The following SEMA3E variants were observed in gnomAD, a reference collection of about 807,000 sequenced individuals.
The protein encoded by SEMA3E is semaphorin 3E, also known as semaphorin-3E.
Under a neutral mutation model 93.6 loss-of-function variants are expected in SEMA3E, and 49 were observed. That is an observed-to-expected ratio of 0.52 (90% confidence interval 0.42 to 0.66). The LOEUF (loss-of-function observed/expected upper bound fraction) is 0.66. Among genes scored for constraint, SEMA3E ranks in the 30% least tolerant of loss-of-function variants. The pLI, the probability that SEMA3E is intolerant of heterozygous loss-of-function variation, is 0.00. For synonymous variants in SEMA3E, 363 were observed against 330.7 expected, an observed-to-expected ratio of 1.10 and a Z score of -1.06; for missense variants, 906 against 964.8, an observed-to-expected ratio of 0.94 and a Z score of 0.81.
chr7:83,597,823 CT>C (rs1454680428), intron 1 of SEMA3E, among the ~76,000 whole-genome samples: 2 of 152,114 alleles, frequency 1.3e-5, no homozygotes, highest in Non-Finnish European at 2.9e-5. Context: ...AGTACTACCC[CT>C]GATGTTCCTA....
chr7:83,526,683 G>A (rs1197076968), intron 1 of SEMA3E, among the ~76,000 whole-genome samples: 1 of 152,176 alleles, frequency 6.6e-6, no homozygotes, highest in African/African-American at 2.4e-5. Context: ...CACTTGCCAA[G>A]ATTAAGTTGC....
intron 4 of SEMA3E, among the ~76,000 whole-genome samples, chr7:83,458,109 A>G (rs1364582319): frequency 6.6e-6 from 1 of 151,500 alleles, no homozygotes; most frequent in Non-Finnish European, 1.5e-5. Context: ...TATTATTTCA[A>G]TCATATAAAC....
rs555553123 is a variant in SEMA3E, at chr7:83,575,530, T to C, written c.115+72898A>G. On this transcript the variant is annotated intron_variant, in intron 1 of 16. Coordinates refer to ENST00000643230, the MANE Select transcript of SEMA3E (RefSeq NM_012431.3). ...ATGTGCTTGACATTTTACTAACATTTACGTTTTCTACCCATTTTGAGTTTT... is the reference window on the plus strand; with the variant it reads ...ATGTGCTTGACATTTTACTAACATTCACGTTTTCTACCCATTTTGAGTTTT... Among the ~76,000 whole-genome samples the C allele has an allele frequency of 4.7e-4, 72 of 152,262 alleles. No homozygotes were observed. In the South Asian group the frequency reaches 0.015, roughly 31 times the overall value.
At chr7:83,388,048 C>T (rs2116920665) in intron 14 of SEMA3E, among the ~76,000 whole-genome samples, 1 of 148,018 alleles carries the variant, frequency 6.8e-6, no homozygotes, top group African/African-American at 2.5e-5. Context: ...TGGTGGCTCA[C>T]GCCTGTAATC....
intron 1 of SEMA3E, among the ~76,000 whole-genome samples, chr7:83,549,167 G>T (rs1753842526): frequency 6.6e-6 from 1 of 152,056 alleles, no homozygotes; most frequent in Non-Finnish European, 1.5e-5. Flanking sequence ...GAGTTATATG[G>T]AAACATTCAT....
intron 1 of SEMA3E, among the ~76,000 whole-genome samples, chr7:83,524,729 A>C (rs1161395272): frequency 6.6e-6 from 1 of 152,062 alleles, no homozygotes; most frequent in African/African-American, 2.4e-5. Context: ...AAATCTGCTT[A>C]GTTTTCTAAG....
chr7:83,589,430 C>T (rs1233322439), intron 1 of SEMA3E, among the ~76,000 whole-genome samples: 1 of 152,084 alleles, frequency 6.6e-6, no homozygotes, highest in Non-Finnish European at 1.5e-5. Flanking sequence ...TCAAACCAAG[C>T]ACATCCAGTC....
intron 1 of SEMA3E, among the ~76,000 whole-genome samples, chr7:83,626,472 A>G (rs1023549726): frequency 6.6e-6 from 1 of 152,026 alleles, no homozygotes; most frequent in African/African-American, 2.4e-5. Flanking sequence ...ATTTTTTTCT[A>G]GATTTTCTGG....
chr7:83,528,305 T>C (rs1162500558), intron 1 of SEMA3E, among the ~76,000 whole-genome samples: 1 of 152,074 alleles, frequency 6.6e-6, no homozygotes, highest in Non-Finnish European at 1.5e-5. Flanking sequence ...AAATCACAAG[T>C]GTAGCAACCG....
chr7:83,565,160 TAAAG>T (rs1308492439), intron 1 of SEMA3E, among the ~76,000 whole-genome samples: 1 of 151,558 alleles, frequency 6.6e-6, no homozygotes, highest in Non-Finnish European at 1.5e-5. Context: ...AAGTTGAAGA[TAAAG>T]AAAGATAAAG....
chr7:83,620,438 T>C (rs924782844), intron 1 of SEMA3E, among the ~76,000 whole-genome samples: 1 of 152,130 alleles, frequency 6.6e-6, no homozygotes, highest in African/African-American at 2.4e-5. Context: ...GCTGGTACCA[T>C]TTCTCCTGAA....
intron 1 of SEMA3E, among the ~76,000 whole-genome samples, chr7:83,545,867 CATTATAT>C (rs972274658): frequency 1.5e-4 from 22 of 141,996 alleles, no homozygotes; most frequent in Admixed American, 9.3e-4. Context: ...ATCTATATAA[CATTATAT>C]ATTATATATC....
At chr7:83,405,715 T>C (rs1253554559) in intron 8 of SEMA3E, among the ~76,000 whole-genome samples, 196 bp from the exon 9 acceptor site, 1 of 151,976 alleles carries the variant, frequency 6.6e-6, no homozygotes, top group African/African-American at 2.4e-5. Flanking sequence ...AGCTGAACAA[T>C]AGGAAGGAAC....
chr7:83,646,335 AT>A (rs1288514768), intron 1 of SEMA3E, among the ~76,000 whole-genome samples: 5 of 151,994 alleles, frequency 3.3e-5, no homozygotes, highest in Admixed American at 6.6e-5. Context: ...GGCTGTTCAT[AT>A]TGTATTGGTG....
intron 1 of SEMA3E, among the ~76,000 whole-genome samples, chr7:83,527,191 A>AG (rs3837131): frequency 0.53 from 80,078 of 151,602 alleles, 23,465 homozygotes; most frequent in Middle Eastern, 0.69. Flanking sequence ...GTGGGGGGGA[A>AG]AAAAAGGTTT....
At chr7:83,631,261 A>G (rs1224462299) in intron 1 of SEMA3E, among the ~76,000 whole-genome samples, 2 of 152,240 alleles carry the variant, frequency 1.3e-5, no homozygotes, top group Admixed American at 6.5e-5. Flanking sequence ...TTCATTTACT[A>G]TAAGTCTGTA....
Position 83,365,314 on chromosome 7 carries a change from C to T in SEMA3E, c.*2272G>A, listed in dbSNP as rs1158429425. ...AACAGGCGGGAAGCAAGATTATATACATATATATGTACATATGTGTGTGTA... is the reference window on the plus strand; with the variant it reads ...AACAGGCGGGAAGCAAGATTATATATATATATATGTACATATGTGTGTGTA... On this transcript the variant is annotated 3_prime_UTR_variant, in exon 17 of 17. Coordinates refer to ENST00000643230, the MANE Select transcript of SEMA3E (RefSeq NM_012431.3). 6.6e-6 allele frequency: 1 copy of T among 152,020 alleles called. No homozygotes were observed. Among genetic ancestry groups the T allele is most frequent in the South Asian group, 2.1e-4 (1 of 4,822 alleles). The allele number at this position is 152,020 out of a possible 1,614,324, so 9.4% of individuals were successfully genotyped here.
chr7:83,372,842 TA>T (rs1447563185), intron 16 of SEMA3E: 9 of 152,108 alleles, frequency 5.9e-5, no homozygotes, highest in African/African-American at 2.2e-4. Context: ...ACATGGACTA[TA>T]AATACCCAAA....
At chr7:83,555,701 T>G (rs1791873031) in intron 1 of SEMA3E, among the ~76,000 whole-genome samples, 1 of 152,214 alleles carries the variant, frequency 6.6e-6, no homozygotes, top group South Asian at 2.1e-4. Context: ...TTCTAACAAT[T>G]GGATCTGTCT....
Sources: gnomAD v4.1 joint callset for allele counts (sites outside exome capture counted in the v4.1 genomes callset) on GRCh38, gnomAD v4.1.1 for gene constraint, MANE v1.5 for transcripts, NCBI Gene and HGNC (gene_info 2026-07-23, HGNC 2026-07-21) for gene names.